Variants in CLSTN2 observed in about 807,000 individuals in gnomAD.
CLSTN2 encodes calsyntenin-2.
In CLSTN2, 48 loss-of-function variants were observed where a neutral mutation model predicts 101.2. The observed-to-expected ratio is 0.47, with a 90% CI of 0.38 to 0.60. The LOEUF (loss-of-function observed/expected upper bound fraction) is 0.60, where lower values mean the gene tolerates loss of function less well. Ranked by LOEUF, CLSTN2 falls within the 20% of genes least tolerant of loss-of-function variation. CLSTN2 has a pLI of 0.00. For missense variants in CLSTN2, 1,160 were observed against 1,238.2 expected (o/e 0.94, Z 0.95); for synonymous variants, 481 against 463.6 (o/e 1.04, Z -0.48).
chr3:139,956,560 G>A (rs1935405280), intron 1 of CLSTN2, among the ~76,000 whole-genome samples: 1 of 152,182 alleles, frequency 6.6e-6, no homozygotes, highest in African/African-American at 2.4e-5. Context: ...TTGAAACACA[G>A]AGGTCTACTA....
At chr3:140,339,022 T>A (rs1036735397) in intron 2 of CLSTN2, among the ~76,000 whole-genome samples, 5 of 152,222 alleles carry the variant, frequency 3.3e-5, no homozygotes, top group African/African-American at 1.2e-4. Context: ...TGTGTCATGC[T>A]GCGCAGTGGC....
chr3:140,524,944 T>C (rs1187265346), intron 8 of CLSTN2, among the ~76,000 whole-genome samples: 1 of 152,128 alleles, frequency 6.6e-6, no homozygotes, highest in Non-Finnish European at 1.5e-5. Flanking sequence ...GCAGCTAAAG[T>C]TGTGTTAAGA....
chr3:140,026,553 G>T (rs1382139321), intron 1 of CLSTN2, among the ~76,000 whole-genome samples: 1 of 152,192 alleles, frequency 6.6e-6, no homozygotes, highest in Non-Finnish European at 1.5e-5. Flanking sequence ...ATTGCTACTT[G>T]TTTCTTATTG....
chr3:140,520,660 G>C (rs1338435849), intron 8 of CLSTN2, among the ~76,000 whole-genome samples: 1 of 152,174 alleles, frequency 6.6e-6, no homozygotes, highest in Non-Finnish European at 1.5e-5. Flanking sequence ...TGATCTCATG[G>C]AGTATCACCC....
At chr3:140,296,725 G>C (rs11917245) in intron 2 of CLSTN2, among the ~76,000 whole-genome samples, 1 of 152,130 alleles carries the variant, frequency 6.6e-6, no homozygotes, top group Non-Finnish European at 1.5e-5. Context: ...TTCTGGCTCC[G>C]ACCATCTGTC....
At chr3:140,428,638 A>T (rs2088597409) in intron 5 of CLSTN2, among the ~76,000 whole-genome samples, 1 of 152,240 alleles carries the variant, frequency 6.6e-6, no homozygotes, top group Non-Finnish European at 1.5e-5. Flanking sequence ...GCAGCAATTC[A>T]CACAACACCA....
rs577128741 is a variant in CLSTN2 at position 140,026,992 on chromosome 3, C to T, written c.109+91509C>T. Reference sequence around the variant, plus strand: ...CATGGAATGGAGCTCTGGGAATTATCGCCAATGGGAGCATAGATTAGACTT... The same window carrying T: ...CATGGAATGGAGCTCTGGGAATTATTGCCAATGGGAGCATAGATTAGACTT... On this transcript the variant is annotated intron_variant, in intron 1 of 16. Coordinates refer to ENST00000458420, the MANE Select transcript of CLSTN2 (RefSeq NM_022131.3). Among the ~76,000 whole-genome samples, 18 of 152,340 alleles carry T rather than the reference C, an allele frequency of 1.2e-4. No homozygotes were observed. The East Asian group carries it at 1.4e-3, about 11-fold the overall frequency.
intron 1 of CLSTN2, among the ~76,000 whole-genome samples, chr3:140,144,593 G>A (rs927705942): frequency 1.3e-5 from 2 of 152,026 alleles, no homozygotes; most frequent in African/African-American, 4.8e-5. Context: ...TCCAGCCTGG[G>A]CATCAGAGCG....
chr3:139,977,844 T>A (rs1369117211), intron 1 of CLSTN2, among the ~76,000 whole-genome samples: 1 of 152,190 alleles, frequency 6.6e-6, no homozygotes, highest in African/African-American at 2.4e-5. Flanking sequence ...TTTTTATTCT[T>A]CACCTGCTGA....
Position 140,085,215 on chromosome 3 carries a change from A to G in CLSTN2, c.110-90736A>G, listed in dbSNP as rs182231560. ...CCTTAGAAAAGAAATCAACAAACAG[A>G]TGGATGTCACTGCTGTTGCATTGCT... On this transcript the variant is annotated intron_variant, in intron 1 of 16. Transcript: ENST00000458420. Among the ~76,000 whole-genome samples, 79 of 152,314 alleles carry G rather than the reference A, an allele frequency of 5.2e-4. 1 individual carries two copies. In the East Asian group the frequency reaches 0.011, roughly 22 times the overall value.
chr3:140,367,310 C>T (rs527363262), intron 2 of CLSTN2, among the ~76,000 whole-genome samples: 2 of 151,906 alleles, frequency 1.3e-5, no homozygotes, highest in East Asian at 1.9e-4. Flanking sequence ...GTCAAGAGAT[C>T]GAGACCATCG....
At chr3:140,064,763 T>C (rs949091515) in intron 1 of CLSTN2, among the ~76,000 whole-genome samples, 2 of 152,356 alleles carry the variant, frequency 1.3e-5, no homozygotes, top group Admixed American at 6.5e-5. Context: ...AATTTATAAG[T>C]GAATCTAAAA....
chr3:140,132,348 C>T (rs1193411903), intron 1 of CLSTN2, among the ~76,000 whole-genome samples: 1 of 152,134 alleles, frequency 6.6e-6, no homozygotes, highest in Non-Finnish European at 1.5e-5. Context: ...ATGCAAGTAA[C>T]CTCACTTAGA....
At chr3:140,359,364 C>T (rs2087704504) in intron 2 of CLSTN2, among the ~76,000 whole-genome samples, 1 of 152,166 alleles carries the variant, frequency 6.6e-6, no homozygotes, top group Non-Finnish European at 1.5e-5. Flanking sequence ...CATTTCTATG[C>T]TTAACTAGCT....
rs2107800049 is a variant in CLSTN2, at chr3:140,574,239, A to C, written c.*7986A>C. Reference sequence around the variant, plus strand: ...GTTTGTGAGTCAAGGTCCTTTGTAAAATCAGATCGACGAGGGTGGAAGTGC... The same window carrying C: ...GTTTGTGAGTCAAGGTCCTTTGTAACATCAGATCGACGAGGGTGGAAGTGC... On this transcript the variant is annotated 3_prime_UTR_variant, in exon 17 of 17. Transcript: ENST00000458420. 1 of 152,336 alleles carries C rather than the reference A, an allele frequency of 6.6e-6. No individual in the cohort carries two copies. The highest frequency in any genetic ancestry group is 1.9e-4 in the East Asian group (1 of 5,188). The allele number at this position is 152,336 out of a possible 1,614,324, so 9.4% of individuals were successfully genotyped here.
chr3:140,268,388 T>C (rs116392661), intron 2 of CLSTN2, among the ~76,000 whole-genome samples: 2,404 of 152,278 alleles, frequency 0.016, 25 homozygotes, highest in Non-Finnish European at 0.026. Flanking sequence ...GCTCAGTCTT[T>C]CCTCTGAGGA....
chr3:139,972,310 A>G (rs1334655770), intron 1 of CLSTN2, among the ~76,000 whole-genome samples: 4 of 152,054 alleles, frequency 2.6e-5, no homozygotes, highest in South Asian at 2.1e-4. Context: ...GGGTTTTACA[A>G]TTTAGTGGGT....
chr3:140,132,664 G>A (rs1576439122), intron 1 of CLSTN2, among the ~76,000 whole-genome samples: 1 of 152,186 alleles, frequency 6.6e-6, no homozygotes, highest in East Asian at 1.9e-4. Flanking sequence ...GTGCTCTAGG[G>A]AAGTGAATTC....
Position 140,184,102 on chromosome 3 carries a change from A to T in CLSTN2, c.232+8029A>T, listed in dbSNP as rs552213371. On this transcript the variant is annotated intron_variant, in intron 2 of 16. Transcript: ENST00000458420. ...CACCGGCTGTTAATGAGTAGGCTGT[A>T]GGCTGGCTGTTCTGTATGGTGACTT... Among the ~76,000 whole-genome samples the T allele has an allele frequency of 4.4e-4, 67 of 152,280 alleles. 1 individual carries two copies. The highest frequency in any genetic ancestry group is 1.6e-3 in the African/African-American group (65 of 41,564).
Sources: gnomAD v4.1 joint callset for allele counts (sites outside exome capture counted in the v4.1 genomes callset) on GRCh38, gnomAD v4.1.1 for gene constraint, MANE v1.5 for transcripts, NCBI Gene and HGNC (gene_info 2026-07-23, HGNC 2026-07-21) for gene names.